Variants in MAP3K3 observed in about 807,000 individuals in gnomAD.
MAP3K3 encodes the protein mitogen-activated protein kinase kinase kinase 3, also known as MAP/ERK kinase kinase 3.
MAP3K3 carries 12 observed loss-of-function variants against 80.9 expected under a neutral mutation model. That is an observed-to-expected ratio of 0.15 (90% CI 0.10 to 0.24). MAP3K3 has a LOEUF of 0.24. Ranked by LOEUF, MAP3K3 falls within the 10% of genes least tolerant of loss-of-function variation. The pLI is 1.00. For missense variants in MAP3K3, 596 were observed against 834.7 expected (o/e 0.71, Z 3.52); for synonymous variants, 272 against 307.1 (o/e 0.89, Z 1.19).
Position 63,688,666 on chromosome 17 carries a change from T to C in MAP3K3, c.778+72T>C, listed in dbSNP as rs1036032349. The C allele has an allele frequency of 3.9e-5, 58 of 1,493,924 alleles. No homozygotes were observed. In the African/African-American group the frequency reaches 5.5e-4, roughly 14 times the overall value. The allele number at this position is 1,493,924 out of a possible 1,614,324, so 92.5% of individuals were successfully genotyped here. ...GGCCTCAGGTGGCTCTGCTTCGACT[T>C]TTCTGAGTCAGTAGCTCTCCTTGGG... On this transcript the variant is annotated intron_variant, in intron 9 of 15. Transcript: ENST00000361733.
intron 2 of MAP3K3, chr17:63,637,101 C>A: frequency 2.7e-6 from 1 of 370,384 alleles, no homozygotes. Context: ...TTGCAGCTTT[C>A]AACAAGGTCT....
intron 3 of MAP3K3, among the ~76,000 whole-genome samples, chr17:63,649,088 G>A (rs1470521837): frequency 6.6e-6 from 1 of 152,104 alleles, no homozygotes; most frequent in African/African-American, 2.4e-5. Flanking sequence ...TGTACATGTG[G>A]CTAATGAGCA....
At chr17:63,639,144 G>T (rs1473281871) in intron 2 of MAP3K3, among the ~76,000 whole-genome samples, 2 of 152,194 alleles carry the variant, frequency 1.3e-5, no homozygotes, top group African/African-American at 4.8e-5. Flanking sequence ...TCACTGTGTG[G>T]TACAGAGAGT....
At chr17:63,626,571 G>A (rs1292718462) in intron 1 of MAP3K3, among the ~76,000 whole-genome samples, 1 of 152,164 alleles carries the variant, frequency 6.6e-6, no homozygotes, top group Non-Finnish European at 1.5e-5. Flanking sequence ...ACAGAAAAAC[G>A]CCAGCATTTG....
At chr17:63,673,014 T>G (rs1437991069) in intron 6 of MAP3K3, 2 of 152,254 alleles carry the variant, frequency 1.3e-5, no homozygotes, top group Admixed American at 1.3e-4. Context: ...ACTGGGTTCC[T>G]CTGTTGCCTC....
chr17:63,676,441 G>A (rs118048394), intron 6 of MAP3K3, among the ~76,000 whole-genome samples: 254 of 152,344 alleles, frequency 1.7e-3, no homozygotes, highest in South Asian at 3.3e-3. Flanking sequence ...ATTTCATCCT[G>A]CCTAGGCATA....
chr17:63,622,739 A>G lies in MAP3K3; in HGVS notation c.-21A>G, dbSNP rs1568117514. On this transcript the variant is annotated 5_prime_UTR_variant, in exon 1 of 16. Coordinates refer to ENST00000361733, the MANE Select transcript of MAP3K3 (RefSeq NM_002401.5). The stretch of plus-strand genomic sequence containing the variant: ...GAGGTGACACTCACGGACCTTAGCC[A>G]CCGCCGCCGCCATCGCCACCATGGG... The G allele has an allele frequency of 3.9e-6, 2 of 516,854 alleles. No individual in the cohort carries two copies. 32.0% of individuals were successfully genotyped at this position (516,854 alleles called of 1,614,324 possible). A position where few individuals can be genotyped will look rare whatever the true frequency, so the allele number is the denominator to read the frequency against.
rs2034613047 is a variant in MAP3K3 at position 63,649,750 on chromosome 17, A to G, written c.168-2807A>G. On this transcript the variant is annotated intron_variant, in intron 3 of 15. Transcript: ENST00000361733. ...TTAATCAATTTAAATTTAAATAGTC[A>G]TATGTGGCTAATGGCTGCCATATTG... 2.6e-5 allele frequency among the ~76,000 whole-genome samples: 4 copies of G among 152,358 alleles called. No homozygotes were observed. In the South Asian group the frequency reaches 6.2e-4, roughly 24 times the overall value.
intron 3 of MAP3K3, among the ~76,000 whole-genome samples, chr17:63,646,342 T>C (rs576597047): frequency 4.6e-5 from 7 of 152,300 alleles, no homozygotes; most frequent in African/African-American, 1.4e-4. Flanking sequence ...GACATTTTAT[T>C]AGGAAGTGAG....
intron 8 of MAP3K3, among the ~76,000 whole-genome samples, chr17:63,687,372 G>C (rs2035476502): frequency 6.6e-6 from 1 of 151,834 alleles, no homozygotes; most frequent in South Asian, 2.1e-4. Context: ...AAATAGCTGG[G>C]CGTGGTGGCA....
chr17:63,660,290 T>A (rs2034861322), intron 5 of MAP3K3, among the ~76,000 whole-genome samples: 1 of 152,002 alleles, frequency 6.6e-6, no homozygotes, highest in Non-Finnish European at 1.5e-5. Flanking sequence ...AGCCTCAACC[T>A]CCCAGACTCA....
intron 7 of MAP3K3, among the ~76,000 whole-genome samples, chr17:63,684,342 A>T (rs1260217725): frequency 6.6e-6 from 1 of 152,210 alleles, no homozygotes; most frequent in Non-Finnish European, 1.5e-5. Flanking sequence ...TTTTTCTGTT[A>T]ACTAGTCTAA....
At position 63,693,508 on chromosome 17, in the gene MAP3K3, C is replaced by T. The variant is rs369632918; in HGVS notation, c.1653-41C>T. 4.5e-6 allele frequency: 7 copies of T among 1,557,808 alleles called. No individual in the cohort carries two copies. The African/African-American group carries it at 9.7e-5, about 21-fold the overall frequency. On this transcript the variant is annotated intron_variant, in intron 15 of 15. Transcript: ENST00000361733. This position sits in a 1 kb window ranked among gnomAD's most constrained non-coding sequence, Gnocchi z 4.2. ...GTGGTGGGCAGGACAGCTGGGAGTC[C>T]AGGGCTGGCTGAGGGGTGACACGGG... is the stretch of plus-strand genomic sequence containing the variant.
rs1015347239 is a variant in MAP3K3, at chr17:63,695,866, G to GTT, written c.*2090_*2091insTT. The GTT allele has an allele frequency of 1.3e-4, 20 of 152,552 alleles. No homozygotes were observed. The highest frequency in any genetic ancestry group is 4.8e-4 in the African/African-American group (20 of 41,452). 9.4% of individuals were successfully genotyped at this position (152,552 alleles called of 1,614,324 possible). On this transcript the variant is annotated 3_prime_UTR_variant, in exon 16 of 16. Transcript: ENST00000361733. This position sits in a 1 kb window ranked among gnomAD's most constrained non-coding sequence, Gnocchi z 4.1. Reference sequence around the variant, plus strand: ...CCCTAATTTTTTTGTGCCAAAAACTGTGGACATGCTGGCTCAGCATCCTCA... The same window carrying GTT: ...CCCTAATTTTTTTGTGCCAAAAACTGTTTGGACATGCTGGCTCAGCATCCTCA...
chr17:63,682,776 T>G (rs2035367082), intron 7 of MAP3K3: 1 of 152,220 alleles, frequency 6.6e-6, no homozygotes, highest in South Asian at 2.1e-4. Context: ...GATGGAGTCA[T>G]AAAACATCAC....
chr17:63,630,416 C>T (rs1270511191), intron 1 of MAP3K3, among the ~76,000 whole-genome samples: 1 of 152,166 alleles, frequency 6.6e-6, no homozygotes, highest in Non-Finnish European at 1.5e-5. Flanking sequence ...CAGCCTCAAC[C>T]TCCTGGGCTC....
chr17:63,693,503 G>GAGGGGTGACAGCTGGCAGGAC lies in MAP3K3; in HGVS notation c.1653-44_1653-43insGGGTGACAGCTGGCAGGACAG. 6.5e-7 allele frequency: 1 copy of GAGGGGTGACAGCTGGCAGGAC among 1,529,594 alleles called. No homozygotes were observed. The allele number at this position is 1,529,594 out of a possible 1,614,324, so 94.8% of individuals were successfully genotyped here. On this transcript the variant is annotated intron_variant, in intron 15 of 15. Coordinates refer to ENST00000361733, the MANE Select transcript of MAP3K3 (RefSeq NM_002401.5). The surrounding 1 kb of genome is among the most constrained non-coding windows in gnomAD (Gnocchi z 4.2). ...CTGCAGTGGTGGGCAGGACAGCTGG[G>GAGGGGTGACAGCTGGCAGGAC]AGTCCAGGGCTGGCTGAGGGGTGAC...
chr17:63,649,062 G>A (rs1452910807), intron 3 of MAP3K3, among the ~76,000 whole-genome samples: 1 of 152,190 alleles, frequency 6.6e-6, no homozygotes, highest in Non-Finnish European at 1.5e-5. Flanking sequence ...GTGCTGTCCA[G>A]TACACATATG....
At chr17:63,658,052 G>A in intron 5 of MAP3K3, 145 bp downstream of exon 5, 1 of 418,146 alleles carries the variant, frequency 2.4e-6, no homozygotes. Context: ...CTTGTCAGTG[G>A]CCAGTGAACA....
Sources: allele counts gnomAD v4.1 joint callset (sites outside exome capture counted in the v4.1 genomes callset), GRCh38; gene constraint gnomAD v4.1.1; non-coding constraint Gnocchi (gnomAD v3.1); transcripts MANE v1.5; gene names NCBI Gene and HGNC (gene_info 2026-07-23, HGNC 2026-07-21).